The following SLC39A14 variants were observed in gnomAD, a reference collection of about 807,000 sequenced individuals.
The protein encoded by SLC39A14 is solute carrier family 39 member 14.
Under a neutral mutation model 45.5 loss-of-function variants are expected in SLC39A14, and 19 were observed. That is an observed-to-expected ratio of 0.42 (90% CI 0.29 to 0.61). The LOEUF (loss-of-function observed/expected upper bound fraction) is 0.61, where lower values mean the gene tolerates loss of function less well. Among genes scored for constraint, SLC39A14 ranks in the 20% least tolerant of loss-of-function variants. The pLI is 0.22. For missense variants in SLC39A14, 447 were observed against 616.5 expected, an observed-to-expected ratio of 0.73 and a Z score of 2.91; for synonymous variants, 264 against 251.3, an observed-to-expected ratio of 1.05 and a Z score of -0.48.
At chr8:22,372,395 C>G (rs1242946772) in intron 1 of SLC39A14, among the ~76,000 whole-genome samples, 18 of 152,168 alleles carry the variant, frequency 1.2e-4, no homozygotes, top group Non-Finnish European at 1.9e-4. Context: ...TTTTCCATAT[C>G]AGCACATAGA....
intron 8 of SLC39A14, 93 bp downstream of exon 8, chr8:22,417,928 A>G: frequency 1.9e-6 from 2 of 1,077,930 alleles, no homozygotes; most frequent in South Asian, 1.7e-5. Flanking sequence ...TTTGAGATGG[A>G]GTCTCACTCT....
At chr8:22,368,491 A>G (rs1341781102) in intron 1 of SLC39A14, among the ~76,000 whole-genome samples, 1 of 67,406 alleles carries the variant, frequency 1.5e-5, no homozygotes, top group East Asian at 7.0e-4. Flanking sequence ...TCCCTCTTTT[A>G]TTTTATTTTA....
chr8:22,399,164 C>G (rs950751956), intron 1 of SLC39A14, among the ~76,000 whole-genome samples: 3 of 152,174 alleles, frequency 2.0e-5, no homozygotes, highest in African/African-American at 7.2e-5. Context: ...GAGTGGCTCT[C>G]CAGGGGCCAC....
At position 22,386,066 on chromosome 8, in the gene SLC39A14, A is replaced by G. The variant is rs187589552; in HGVS notation, c.-15-18630A>G. On this transcript the variant is annotated intron_variant, in intron 1 of 8. Transcript: ENST00000381237. ...GTGATTCTCCTGCCTCAGCTTCCCAAGTAGTTGGAACTACAGGTGTGCACC... is the reference window on the plus strand; with the variant it reads ...GTGATTCTCCTGCCTCAGCTTCCCAGGTAGTTGGAACTACAGGTGTGCACC... 1.8e-4 allele frequency among the ~76,000 whole-genome samples: 28 copies of G among 152,054 alleles called. 1 individual carries two copies. In the East Asian group the frequency reaches 4.5e-3, roughly 24 times the overall value.
chr8:22,419,786 G>T lies in SLC39A14; in HGVS notation c.*88G>T. 6.8e-7 allele frequency: 1 copy of T among 1,477,252 alleles called. No homozygotes were observed. The highest frequency in any genetic ancestry group is 9.0e-7 in the Non-Finnish European group (1 of 1,116,342). The allele number at this position is 1,477,252 out of a possible 1,614,324, so 91.5% of individuals were successfully genotyped here. On this transcript the variant is annotated 3_prime_UTR_variant, in exon 9 of 9. Coordinates refer to ENST00000381237, the MANE Select transcript of SLC39A14 (RefSeq NM_001128431.4). Reference sequence around the variant, plus strand: ...GGACTTACCATCCACAATGCACCACGGAAGAGGCCGTTCTATGAAAAACTG... The same window carrying T: ...GGACTTACCATCCACAATGCACCACTGAAGAGGCCGTTCTATGAAAAACTG...
At chr8:22,392,776 GCTCC>G (rs1419826740) in intron 1 of SLC39A14, 14 of 152,332 alleles carry the variant, frequency 9.2e-5, no homozygotes, top group Non-Finnish European at 1.3e-4. Flanking sequence ...TGGCAAATGT[GCTCC>G]CTCCCTCCCT....
At chr8:22,407,954 TGCCTTG>T (rs953818898) in intron 2 of SLC39A14, among the ~76,000 whole-genome samples, 2 of 151,920 alleles carry the variant, frequency 1.3e-5, no homozygotes, top group African/African-American at 4.8e-5. Flanking sequence ...GTGATCCGCC[TGCCTTG>T]GCCTTCCAAA....
intron 5 of SLC39A14, 102 bp from the exon 6 acceptor site, chr8:22,415,667 C>G: frequency 9.4e-7 from 1 of 1,065,060 alleles, no homozygotes; most frequent in Non-Finnish European, 1.4e-6. Context: ...GATGGTAAGG[C>G]TGAGGTCTTC....
chr8:22,425,600 GC>G (rs1461202541), downstream of SLC39A14, among the ~76,000 whole-genome samples: 1 of 151,466 alleles, frequency 6.6e-6, no homozygotes, highest in Non-Finnish European at 1.5e-5. Flanking sequence ...TCCTTTATCA[GC>G]CTTCAGCTAA....
downstream of SLC39A14, among the ~76,000 whole-genome samples, chr8:22,423,980 ATT>A (rs59585972): frequency 0.017 from 2,588 of 148,068 alleles, 65 homozygotes; most frequent in African/African-American, 0.06. Context: ...TAATTTTTTA[ATT>A]TTTTTTTTTT....
chr8:22,429,197 G>A (rs188786217), intron 8 of SLC39A14, among the ~76,000 whole-genome samples: 25 of 152,196 alleles, frequency 1.6e-4, no homozygotes, highest in East Asian at 3.9e-4. Context: ...GCATGAACCC[G>A]GGAGGCAGAG....
intron 3 of SLC39A14, 99 bp downstream of exon 3, chr8:22,408,595 A>T: frequency 9.4e-7 from 1 of 1,064,082 alleles, no homozygotes; most frequent in Non-Finnish European, 1.3e-6. Context: ...TGAATGCCTC[A>T]CCAGTGATGA....
chr8:22,418,707 A>T (rs899450795), intron 8 of SLC39A14, among the ~76,000 whole-genome samples: 5 of 151,652 alleles, frequency 3.3e-5, no homozygotes, highest in African/African-American at 1.2e-4. Flanking sequence ...AATTTTTTGA[A>T]TTTTTATAGA....
At chr8:22,374,592 T>C (rs139155650) in intron 1 of SLC39A14, among the ~76,000 whole-genome samples, 43 of 140,640 alleles carry the variant, frequency 3.1e-4, no homozygotes, top group African/African-American at 1.1e-3. Flanking sequence ...GAGCAGCAAG[T>C]GAGGTAGCTG....
chr8:22,402,734 A>G (rs1834949551), intron 1 of SLC39A14, among the ~76,000 whole-genome samples: 1 of 149,304 alleles, frequency 6.7e-6, no homozygotes, highest in Admixed American at 6.8e-5. Context: ...GCGCCACTGC[A>G]CTCCAGCCTG....
At chr8:22,390,510 T>C (rs1453136579) in intron 1 of SLC39A14, 1 of 152,314 alleles carries the variant, frequency 6.6e-6, no homozygotes, top group Admixed American at 6.5e-5. Context: ...TTTTCCATGT[T>C]GACTGGTCTC....
intron 8 of SLC39A14, among the ~76,000 whole-genome samples, chr8:22,428,772 A>G (rs182447153): frequency 6.6e-6 from 1 of 152,130 alleles, no homozygotes; most frequent in East Asian, 1.9e-4. Flanking sequence ...TTTTGTTTGA[A>G]ATGGAGGCTG....
chr8:22,374,264 C>A (rs1256694262), intron 1 of SLC39A14, among the ~76,000 whole-genome samples: 1 of 152,124 alleles, frequency 6.6e-6, no homozygotes, highest in Non-Finnish European at 1.5e-5. Context: ...GGTCCTTGAG[C>A]AGTCCAGTGG....
chr8:22,392,338 C>T (rs1488990580), intron 1 of SLC39A14, among the ~76,000 whole-genome samples: 3 of 152,126 alleles, frequency 2.0e-5, no homozygotes, highest in Admixed American at 6.5e-5. Context: ...TTAATTGTGC[C>T]GGACACGCTT....
Sources: gnomAD v4.1 joint callset for allele counts (sites outside exome capture counted in the v4.1 genomes callset) on GRCh38, gnomAD v4.1.1 for gene constraint, MANE v1.5 for transcripts, NCBI Gene and HGNC (gene_info 2026-07-23, HGNC 2026-07-21) for gene names.